TMEM45B: variants seen among roughly 807,000 people sequenced by gnomAD.
TMEM45B encodes the protein transmembrane protein 45B.
TMEM45B carries 29 observed loss-of-function variants against 27.3 expected under a neutral mutation model. The ratio of observed to expected loss-of-function variants is 1.06; its 90% CI spans 0.79 to 1.45. The LOEUF (loss-of-function observed/expected upper bound fraction) is 1.45. Among genes scored for constraint, TMEM45B ranks in the 40% most tolerant of loss-of-function variants. The probability of loss-of-function intolerance (pLI) is 0.00; values close to 1 mark genes in which losing one functional copy is unlikely to be tolerated. For synonymous variants in TMEM45B, 143 were observed against 134.7 expected, an observed-to-expected ratio of 1.06 and a Z score of -0.43; for missense variants, 348 against 343.9, an observed-to-expected ratio of 1.01 and a Z score of -0.09.
At position 129,854,818 on chromosome 11, in the gene TMEM45B, T is replaced by C. The variant is rs1307770779; in HGVS notation, c.385+2T>C. 1 of 1,612,350 alleles carries C rather than the reference T, an allele frequency of 6.2e-7. No individual in the cohort carries two copies. The highest frequency in any genetic ancestry group is 1.1e-5 in the South Asian group (1 of 91,066). Reference sequence around the variant, plus strand: ...TGGCTGTGGCAGTATTCATGGAAGGTAATTTTGTGGAACGGATGGAGAGGA... The same window carrying C: ...TGGCTGTGGCAGTATTCATGGAAGGCAATTTTGTGGAACGGATGGAGAGGA... On this transcript the variant is annotated splice_donor_variant, in intron 3 of 5. Transcript: ENST00000281441. LOFTEE classifies it high-confidence loss of function.
chr11:129,834,630 G>A (rs1947596641), intron 1 of TMEM45B, among the ~76,000 whole-genome samples: 1 of 152,096 alleles, frequency 6.6e-6, no homozygotes, highest in Admixed American at 6.5e-5. Flanking sequence ...GGCCAACATG[G>A]TGAAACCCCA....
At chr11:129,836,795 G>C (rs989088685) in intron 1 of TMEM45B, among the ~76,000 whole-genome samples, 1 of 152,100 alleles carries the variant, frequency 6.6e-6, no homozygotes, top group African/African-American at 2.4e-5. Context: ...CTAGCAACCA[G>C]TGTATGTGGT....
At chr11:129,816,686 A>G (rs1947355461) in intron 1 of TMEM45B, among the ~76,000 whole-genome samples, 1 of 149,716 alleles carries the variant, frequency 6.7e-6, no homozygotes, top group Admixed American at 6.7e-5. Flanking sequence ...CCCTTTCAAA[A>G]TTTGAGGGCA....
intron 3 of TMEM45B, among the ~76,000 whole-genome samples, chr11:129,855,393 C>T (rs1278530252): frequency 2.6e-5 from 4 of 151,984 alleles, no homozygotes; most frequent in East Asian, 3.9e-4. Context: ...CAGCAAGAGT[C>T]GAAAAAGGTT....
At chr11:129,837,215 C>T (rs763138318) in intron 1 of TMEM45B, among the ~76,000 whole-genome samples, 14 of 151,950 alleles carry the variant, frequency 9.2e-5, no homozygotes, top group East Asian at 1.9e-4. Context: ...AAGACCAGCC[C>T]GGGCTGGTCT....
intron 2 of TMEM45B, among the ~76,000 whole-genome samples, chr11:129,853,705 G>A (rs974992287): frequency 8.5e-5 from 13 of 152,078 alleles, no homozygotes; most frequent in East Asian, 5.8e-4. Flanking sequence ...CCACACAGCC[G>A]CTGCTGTCAC....
In TMEM45B at chr11:129,852,943, G is replaced by T. The variant is rs141846677; in HGVS notation, c.178+283G>T. On this transcript the variant is annotated intron_variant, in intron 2 of 5. Transcript: ENST00000281441. Reference sequence around the variant, plus strand: ...AGCAAAACACCCACTGTATGAAAAAGATATGACACAAATAAAAAGAGAAAA... The same window carrying T: ...AGCAAAACACCCACTGTATGAAAAATATATGACACAAATAAAAAGAGAAAA... 2.0e-3 allele frequency: 572 copies of T among 288,938 alleles called. 6 individuals carry two copies. The highest frequency in any genetic ancestry group is 0.012 in the African/African-American group (541 of 46,166). The allele number at this position is 288,938 out of a possible 1,614,324, so 17.9% of individuals were successfully genotyped here. A position where few individuals can be genotyped will look rare whatever the true frequency, so the allele number is the denominator to read the frequency against.
chr11:129,835,208 A>G (rs1051472131), intron 1 of TMEM45B, among the ~76,000 whole-genome samples: 2 of 152,248 alleles, frequency 1.3e-5, no homozygotes, highest in African/African-American at 2.4e-5. Context: ...AAAATTCTCC[A>G]TCTATCCATT....
chr11:129,852,342 T>C, intron 1 of TMEM45B, 133 bp from the exon 2 acceptor site: 1 of 787,870 alleles, frequency 1.3e-6, no homozygotes, highest in Non-Finnish European at 2.0e-6. Flanking sequence ...AGGCTTGTTT[T>C]ATGAGAATGT....
At chr11:129,842,369 G>A (rs938656687) in intron 1 of TMEM45B, among the ~76,000 whole-genome samples, 1 of 152,160 alleles carries the variant, frequency 6.6e-6, no homozygotes, top group Non-Finnish European at 1.5e-5. Flanking sequence ...AAAGCCAGAA[G>A]CATCACACTT....
chr11:129,826,346 G>A (rs1487723451), intron 1 of TMEM45B, among the ~76,000 whole-genome samples: 1 of 151,792 alleles, frequency 6.6e-6, no homozygotes, highest in Admixed American at 6.6e-5. Context: ...TCAGGAGATC[G>A]AGACCATCCT....
At chr11:129,828,151 C>G (rs1947508351) in intron 1 of TMEM45B, 1 of 152,106 alleles carries the variant, frequency 6.6e-6, no homozygotes, top group Non-Finnish European at 1.5e-5. Context: ...CCTTAGCACC[C>G]AGAAGAATCC....
chr11:129,854,881 G>T (rs1565374053), intron 3 of TMEM45B, 65 bp downstream of exon 3: 2 of 1,558,476 alleles, frequency 1.3e-6, no homozygotes, highest in African/African-American at 2.7e-5. Context: ...AAGGATCAGA[G>T]TACAAAATAT....
At chr11:129,819,393 C>A (rs1428471043) in intron 1 of TMEM45B, among the ~76,000 whole-genome samples, 1 of 152,180 alleles carries the variant, frequency 6.6e-6, no homozygotes, top group Non-Finnish European at 1.5e-5. Context: ...CCGATATGAA[C>A]GTCATCTGAG....
intron 1 of TMEM45B, among the ~76,000 whole-genome samples, chr11:129,820,973 G>A (rs1403187746): frequency 1.3e-5 from 2 of 152,060 alleles, no homozygotes; most frequent in Non-Finnish European, 2.9e-5. Context: ...CTACCAAGAA[G>A]GATGAGGGTT....
chr11:129,841,149 C>T (rs1395132426), intron 1 of TMEM45B, among the ~76,000 whole-genome samples: 2 of 152,000 alleles, frequency 1.3e-5, no homozygotes, highest in Non-Finnish European at 2.9e-5. Context: ...TGGCTGCTCC[C>T]ATCACCCCCC....
intron 3 of TMEM45B, 64 bp from the exon 4 acceptor site, chr11:129,855,644 A>T (rs1290949496): frequency 3.8e-6 from 6 of 1,575,660 alleles, no homozygotes; most frequent in Non-Finnish European, 4.4e-6. Context: ...CAGGTGTAGG[A>T]GGAAACTTCG....
intron 1 of TMEM45B, among the ~76,000 whole-genome samples, chr11:129,827,393 CT>C (rs1475471614): frequency 6.6e-6 from 1 of 152,196 alleles, no homozygotes; most frequent in Non-Finnish European, 1.5e-5. Context: ...GGTGTGAGCA[CT>C]TTTTCCAAGA....
rs998418156 is a variant in TMEM45B, at chr11:129,826,747, A to G, written c.-9+10849A>G. ...TTTTGAGACGGAGTCTCGATCTGTC[A>G]CCCAGGCTGGAATGCAGTGGCGCGA... On this transcript the variant is annotated intron_variant, in intron 1 of 5. Coordinates refer to ENST00000281441, the MANE Select transcript of TMEM45B (RefSeq NM_138788.5). Among the ~76,000 whole-genome samples, 8 of 145,740 alleles carry G rather than the reference A, an allele frequency of 5.5e-5. No individual in the cohort carries two copies. The South Asian group carries it at 8.7e-4, about 16-fold the overall frequency.
Sources: gnomAD v4.1 joint callset for allele counts (sites outside exome capture counted in the v4.1 genomes callset) on GRCh38, gnomAD v4.1.1 for gene constraint, MANE v1.5 for transcripts, NCBI Gene and HGNC (gene_info 2026-07-23, HGNC 2026-07-21) for gene names.